OPCML: variants seen among roughly 807,000 people sequenced by gnomAD.
The protein encoded by OPCML is opioid-binding protein/cell adhesion molecule.
Under a neutral mutation model 37.8 loss-of-function variants are expected in OPCML, and 13 were observed. The observed-to-expected ratio is 0.34, with a 90% CI of 0.22 to 0.55. The LOEUF is 0.55. Among genes scored for constraint, OPCML ranks in the 20% least tolerant of loss-of-function variants. The pLI is 0.91. For missense variants in OPCML, 341 were observed against 435.6 expected, an observed-to-expected ratio of 0.78 and a Z score of 1.93; for synonymous variants, 176 against 168.8, an observed-to-expected ratio of 1.04 and a Z score of -0.33.
At chr11:132,680,453 C>A (rs1386518495) in intron 2 of OPCML, among the ~76,000 whole-genome samples, 1 of 152,122 alleles carries the variant, frequency 6.6e-6, no homozygotes, top group African/African-American at 2.4e-5. Flanking sequence ...CAGTTGTTCC[C>A]TTTGCCCACG....
At chr11:132,543,727 C>T (rs2096362589) in intron 3 of OPCML, among the ~76,000 whole-genome samples, 1 of 152,000 alleles carries the variant, frequency 6.6e-6, no homozygotes, top group South Asian at 2.1e-4. Context: ...ATAGAAAGTA[C>T]AACACATAAG....
chr11:133,499,825 C>CAT (rs543788803), intron 1 of OPCML, among the ~76,000 whole-genome samples: 270 of 138,144 alleles, frequency 2.0e-3, no homozygotes, highest in Non-Finnish European at 3.7e-3. Flanking sequence ...TATATACACA[C>CAT]ATATATATGT....
chr11:133,459,932 G>A (rs993507591), intron 1 of OPCML, among the ~76,000 whole-genome samples: 15 of 151,926 alleles, frequency 9.9e-5, no homozygotes, highest in African/African-American at 3.6e-4. Flanking sequence ...TTTCTCCAGT[G>A]CACTTGGTGC....
chr11:133,250,159 TATA>T (rs1207695553), intron 1 of OPCML, among the ~76,000 whole-genome samples: 1 of 152,244 alleles, frequency 6.6e-6, no homozygotes, highest in Non-Finnish European at 1.5e-5. Context: ...CCTTGGGGAA[TATA>T]ATAAGTATGT....
At chr11:132,645,309 T>C (rs1450632847) in intron 3 of OPCML, among the ~76,000 whole-genome samples, 2 of 152,260 alleles carry the variant, frequency 1.3e-5, no homozygotes, top group Non-Finnish European at 2.9e-5. Flanking sequence ...TGGCTTTTCA[T>C]GATGTGGCTA....
chr11:132,797,926 T>C (rs1292196960), intron 2 of OPCML, among the ~76,000 whole-genome samples: 1 of 152,150 alleles, frequency 6.6e-6, no homozygotes, highest in Non-Finnish European at 1.5e-5. Flanking sequence ...GCAATGAAGT[T>C]GGCCACGTTG....
At chr11:132,953,769 C>A (rs1945914526) in intron 1 of OPCML, among the ~76,000 whole-genome samples, 1 of 152,172 alleles carries the variant, frequency 6.6e-6, no homozygotes, top group Non-Finnish European at 1.5e-5. Context: ...GGACCTGCCC[C>A]CTGAGAGCTG....
chr11:133,299,010 G>A (rs2136560239), intron 1 of OPCML: 1 of 152,200 alleles, frequency 6.6e-6, no homozygotes, highest in African/African-American at 2.4e-5. Flanking sequence ...AATGAAAGGG[G>A]ACTTGGTGTA....
At chr11:132,676,912 G>T (rs1355927996) in intron 2 of OPCML, among the ~76,000 whole-genome samples, 1 of 150,716 alleles carries the variant, frequency 6.6e-6, no homozygotes, top group African/African-American at 2.4e-5. Context: ...ATTAAGACAA[G>T]AAAAAAAGCA....
intron 1 of OPCML, among the ~76,000 whole-genome samples, chr11:133,157,688 C>T (rs1950081444): frequency 6.6e-6 from 1 of 152,174 alleles, no homozygotes; most frequent in Non-Finnish European, 1.5e-5. Context: ...CAGTCATCAA[C>T]TCCCCCTTTG....
intron 1 of OPCML, among the ~76,000 whole-genome samples, chr11:133,230,250 A>G (rs1202938043): frequency 6.6e-6 from 1 of 152,186 alleles, no homozygotes; most frequent in Non-Finnish European, 1.5e-5. Flanking sequence ...GGGAACACTC[A>G]TCTTGGCTCA....
chr11:133,186,800 A>G (rs990941212), intron 1 of OPCML, among the ~76,000 whole-genome samples: 24 of 152,234 alleles, frequency 1.6e-4, no homozygotes, highest in African/African-American at 5.8e-4. Flanking sequence ...CCAAGTACAC[A>G]GCCTGCTGAC....
In OPCML at chr11:132,417,293, A is replaced by G. The variant is rs1338800149; in HGVS notation, c.*2900T>C. Reference sequence around the variant, plus strand: ...ACTCTCCCATGAAGCCATCCCCACCAAAGAAACACAAAAACACAGAAGCAG... The same window carrying G: ...ACTCTCCCATGAAGCCATCCCCACCGAAGAAACACAAAAACACAGAAGCAG... On this transcript the variant is annotated 3_prime_UTR_variant, in exon 8 of 8. Transcript: ENST00000524381. 1 of 152,238 alleles carries G rather than the reference A, an allele frequency of 6.6e-6. No homozygotes were observed. The highest frequency in any genetic ancestry group is 1.5e-5 in the Non-Finnish European group (1 of 68,062). 9.4% of individuals were successfully genotyped at this position (152,238 alleles called of 1,614,324 possible).
intron 1 of OPCML, among the ~76,000 whole-genome samples, chr11:133,116,459 C>T (rs1328749232): frequency 1.3e-5 from 2 of 152,204 alleles, no homozygotes; most frequent in Non-Finnish European, 2.9e-5. Flanking sequence ...TCTTTAGCTT[C>T]CTATAATCTG....
chr11:133,188,675 T>TA (rs1938187176), intron 1 of OPCML, among the ~76,000 whole-genome samples: 1 of 152,198 alleles, frequency 6.6e-6, no homozygotes, highest in Non-Finnish European at 1.5e-5. Flanking sequence ...GGAAGAAATA[T>TA]AATAGTTGAG....
At chr11:133,384,777 C>T (rs1194402567) in intron 1 of OPCML, among the ~76,000 whole-genome samples, 1 of 152,212 alleles carries the variant, frequency 6.6e-6, no homozygotes, top group Non-Finnish European at 1.5e-5. Flanking sequence ...CCATAGCCCT[C>T]GCCAAAGCCC....
intron 1 of OPCML, among the ~76,000 whole-genome samples, chr11:133,086,370 A>G (rs530016537): frequency 2.6e-5 from 4 of 152,064 alleles, no homozygotes; most frequent in East Asian, 1.9e-4. Flanking sequence ...TATGTCTTCA[A>G]TTTTTTTCTC....
chr11:133,102,611 G>A (rs933626267), intron 1 of OPCML, among the ~76,000 whole-genome samples: 2 of 152,020 alleles, frequency 1.3e-5, no homozygotes, highest in African/African-American at 2.4e-5. Context: ...TTCACCAGGC[G>A]TGGTGGCAGG....
intron 2 of OPCML, among the ~76,000 whole-genome samples, chr11:132,763,757 G>A (rs929408910): frequency 3.3e-5 from 5 of 152,172 alleles, no homozygotes; most frequent in East Asian, 1.9e-4. Context: ...TTGTCCATGC[G>A]GCCCTGCCTA....
Sources: allele counts gnomAD v4.1 joint callset (sites outside exome capture counted in the v4.1 genomes callset), GRCh38; gene constraint gnomAD v4.1.1; transcripts MANE v1.5; gene names NCBI Gene and HGNC (gene_info 2026-07-23, HGNC 2026-07-21).